Variants in AGFG1 observed in about 807,000 individuals in gnomAD.
AGFG1 encodes the protein ArfGAP with FG repeats 1.
A neutral mutation model predicts 60.6 loss-of-function variants in AGFG1; 10 were observed. The observed-to-expected ratio is 0.16, with a 90% CI of 0.10 to 0.28. AGFG1 has a LOEUF of 0.28. Among genes scored for constraint, AGFG1 ranks in the 10% least tolerant of loss-of-function variants. The pLI, the probability that AGFG1 is intolerant of heterozygous loss-of-function variation, is 1.00. For synonymous variants in AGFG1, 247 were observed against 242.9 expected (o/e 1.02, Z -0.16); for missense variants, 537 against 676.5 (o/e 0.79, Z 2.29).
In AGFG1 at chr2:227,532,567, A is replaced by AT. The variant is rs200594778; in HGVS notation, c.815-974dup. On this transcript the variant is annotated intron_variant, in intron 6 of 12. Transcript: ENST00000310078. ...CTTGAAAGAAATTTGATCAGTGTAT[A>AT]TTTTTTTTAGAATGTATAAAAACCT... Among the ~76,000 whole-genome samples the AT allele has an allele frequency of 1.5e-4, 23 of 151,884 alleles. No individual in the cohort carries two copies. The East Asian group carries it at 4.4e-3, about 29-fold the overall frequency.
In AGFG1 at chr2:227,558,339, T is replaced by G. The variant is rs1277873677; in HGVS notation, c.*3844T>G. ...TCTTGTCTTGTATATCTAAAAAAAC[T>G]TTAATCACTTGAATTCCTTTCATAA... On this transcript the variant is annotated 3_prime_UTR_variant, in exon 13 of 13. Transcript: ENST00000310078. 1 of 152,148 alleles carries G rather than the reference T, an allele frequency of 6.6e-6. No homozygotes were observed. Among genetic ancestry groups the G allele is most frequent in the African/African-American group, 2.4e-5 (1 of 41,456 alleles). The allele number at this position is 152,148 out of a possible 1,614,324, so 9.4% of individuals were successfully genotyped here. A position where few individuals can be genotyped will look rare whatever the true frequency, so the allele number is the denominator to read the frequency against.
chr2:227,489,239 T>C (rs1690728916), intron 1 of AGFG1, among the ~76,000 whole-genome samples: 1 of 144,306 alleles, frequency 6.9e-6, no homozygotes, highest in African/African-American at 2.6e-5. Context: ...TTTTTTTTTT[T>C]TTTTTTTTTG....
chr2:227,506,220 A>G (rs1575081528), intron 2 of AGFG1, among the ~76,000 whole-genome samples: 1 of 152,054 alleles, frequency 6.6e-6, no homozygotes, highest in Non-Finnish European at 1.5e-5. Context: ...TTCATAAACT[A>G]TTGGTTTTAA....
At chr2:227,542,948 G>T (rs62191038) in intron 10 of AGFG1, among the ~76,000 whole-genome samples, 3 of 152,032 alleles carry the variant, frequency 2.0e-5, no homozygotes, top group African/African-American at 7.3e-5. Flanking sequence ...TTGCATAGAG[G>T]TGTTTATAGT....
At chr2:227,472,683 C>T (rs1690130660) in intron 1 of AGFG1, 95 bp downstream of exon 1, 8 of 1,347,394 alleles carry the variant, frequency 5.9e-6, no homozygotes, top group African/African-American at 1.5e-5. Context: ...GGGAAAGAGC[C>T]GGGTGCCGTG....
At chr2:227,521,022 T>G (rs1194492653) in intron 3 of AGFG1, among the ~76,000 whole-genome samples, 1 of 152,148 alleles carries the variant, frequency 6.6e-6, no homozygotes, top group African/African-American at 2.4e-5. Flanking sequence ...ACTTGCATGC[T>G]CTATCAAAAT....
Position 227,535,461 on chromosome 2 carries a change from C to A in AGFG1, c.1205+436C>A, listed in dbSNP as rs145211512. On this transcript the variant is annotated intron_variant, in intron 8 of 12. Transcript: ENST00000310078. ...TTTGCACCAAAGCCCAAAATCAATT[C>A]TGTATCTCTTCAGTGTCATCCTCAT... Among the ~76,000 whole-genome samples, 316 of 152,326 alleles carry A rather than the reference C, an allele frequency of 2.1e-3. 1 individual carries two copies. The highest frequency in any genetic ancestry group is 7.2e-3 in the African/African-American group (301 of 41,574).
At chr2:227,550,040 C>T (rs1335718448) in intron 10 of AGFG1, 1 of 450,558 alleles carries the variant, frequency 2.2e-6, no homozygotes, top group African/African-American at 2.1e-5. Flanking sequence ...ACGTTGGTCT[C>T]TTTATGGCTT....
intron 1 of AGFG1, among the ~76,000 whole-genome samples, chr2:227,489,647 A>C (rs959537255): frequency 2.6e-5 from 4 of 152,216 alleles, no homozygotes; most frequent in African/African-American, 7.2e-5. Flanking sequence ...ACAAAACAAC[A>C]ACCAAACCCA....
rs1559205604 is a variant in AGFG1, at chr2:227,555,337, C to G, written c.*842C>G. The G allele has an allele frequency of 6.6e-6, 1 of 152,528 alleles. No individual in the cohort carries two copies. The highest frequency in any genetic ancestry group is 2.4e-5 in the African/African-American group (1 of 41,432). The allele number at this position is 152,528 out of a possible 1,614,324, so 9.4% of individuals were successfully genotyped here. A position where few individuals can be genotyped will look rare whatever the true frequency, so the allele number is the denominator to read the frequency against. On this transcript the variant is annotated 3_prime_UTR_variant, in exon 13 of 13. Transcript: ENST00000310078. ...TGTAGCTTGTCAGATTTACCATAAT[C>G]CTACTAATTTCTTTGCAGCTTATTA...
At chr2:227,497,346 T>C (rs757710386) in intron 2 of AGFG1, among the ~76,000 whole-genome samples, 3 of 152,232 alleles carry the variant, frequency 2.0e-5, no homozygotes, top group Non-Finnish European at 4.4e-5. Flanking sequence ...AATGACGTTA[T>C]TGCCAGCAGA....
chr2:227,515,836 T>C (rs1429479660), intron 2 of AGFG1, among the ~76,000 whole-genome samples: 2 of 152,066 alleles, frequency 1.3e-5, no homozygotes, highest in African/African-American at 4.8e-5. Context: ...GACTTTATAC[T>C]CTATCAGCAA....
chr2:227,509,437 CATT>C (rs770132384), intron 2 of AGFG1, among the ~76,000 whole-genome samples: 17 of 151,924 alleles, frequency 1.1e-4, no homozygotes, highest in Non-Finnish European at 2.1e-4. Context: ...CTATAAAGGC[CATT>C]ATTAAGATTA....
chr2:227,537,942 T>G (rs543579892), intron 10 of AGFG1, among the ~76,000 whole-genome samples: 42 of 152,318 alleles, frequency 2.8e-4, no homozygotes, highest in African/African-American at 1.0e-3. Flanking sequence ...GAGCTGTAAC[T>G]ATTTTCTTTT....
At chr2:227,503,947 G>A (rs1179401500) in intron 2 of AGFG1, among the ~76,000 whole-genome samples, 1 of 152,108 alleles carries the variant, frequency 6.6e-6, no homozygotes, top group Non-Finnish European at 1.5e-5. Flanking sequence ...TACTAAAGGT[G>A]GGACCTGAGG....
chr2:227,474,935 A>G (rs988270769), intron 1 of AGFG1, among the ~76,000 whole-genome samples: 2 of 152,204 alleles, frequency 1.3e-5, no homozygotes, highest in African/African-American at 4.8e-5. Flanking sequence ...TTGGATGTAG[A>G]TTTGTTTTCA....
At position 227,536,605 on chromosome 2, in the gene AGFG1, C is replaced by T. The variant is rs1692321437; in HGVS notation, c.1206-20C>T. On this transcript the variant is annotated intron_variant, in intron 8 of 12. Coordinates refer to ENST00000310078, the MANE Select transcript of AGFG1 (RefSeq NM_004504.5). ...TTTTTTTTAAGAAAAAAAATGAACTCTTTCAATATTTGTTCTCAGCAATGT... is the reference window on the plus strand; with the variant it reads ...TTTTTTTTAAGAAAAAAAATGAACTTTTTCAATATTTGTTCTCAGCAATGT... 2 of 1,602,144 alleles carry T rather than the reference C, an allele frequency of 1.2e-6. No homozygotes were observed. The highest frequency in any genetic ancestry group is 4.5e-5 in the East Asian group (2 of 44,732).
chr2:227,481,364 C>T (rs1244232550), intron 1 of AGFG1, among the ~76,000 whole-genome samples: 1 of 152,060 alleles, frequency 6.6e-6, no homozygotes, highest in African/African-American at 2.4e-5. Flanking sequence ...AACTTTCCTT[C>T]AGACTTCCCA....
intron 2 of AGFG1, among the ~76,000 whole-genome samples, chr2:227,504,994 C>G (rs962426371): frequency 5.3e-5 from 8 of 152,088 alleles, no homozygotes; most frequent in Admixed American, 1.3e-4. Context: ...CTGATTTCGT[C>G]TAGTTAAGCA....
Sources: gnomAD v4.1 joint callset for allele counts (sites outside exome capture counted in the v4.1 genomes callset) on GRCh38, gnomAD v4.1.1 for gene constraint, MANE v1.5 for transcripts, NCBI Gene and HGNC (gene_info 2026-07-23, HGNC 2026-07-21) for gene names.